Variants in UBE2O observed in about 807,000 individuals in gnomAD.
UBE2O encodes the protein (E3-independent) E2 ubiquitin-conjugating enzyme.
A neutral mutation model predicts 125.8 loss-of-function variants in UBE2O; 15 were observed. That is an observed-to-expected ratio of 0.12 (90% CI 0.08 to 0.18). The LOEUF is 0.18. UBE2O is among the 10% of genes least tolerant of loss of function. The probability of loss-of-function intolerance (pLI) is 1.00; values close to 1 mark genes in which losing one functional copy is unlikely to be tolerated. For synonymous variants in UBE2O, 708 were observed against 703.2 expected, an observed-to-expected ratio of 1.01 and a Z score of -0.11; for missense variants, 1,280 against 1,723.6, an observed-to-expected ratio of 0.74 and a Z score of 4.56.
rs2073257553 is a variant in UBE2O, at chr17:76,452,146, C to T, written c.417+579G>A. ...GGCTCTGATTGCTAATGATTTTACT[C>T]ACAAAGTTCCCTGCAGCAATTAAAA... On this transcript the variant is annotated intron_variant, in intron 1 of 17. Coordinates refer to ENST00000319380, the MANE Select transcript of UBE2O (RefSeq NM_022066.4). This position sits in a 1 kb window ranked among gnomAD's most constrained non-coding sequence, Gnocchi z 4.4. 2.0e-5 allele frequency among the ~76,000 whole-genome samples: 3 copies of T among 152,166 alleles called. No individual in the cohort carries two copies. Among genetic ancestry groups the T allele is most frequent in the Admixed American group, 1.3e-4 (2 of 15,274 alleles).
Position 76,395,896 on chromosome 17 carries a change from G to C in UBE2O, c.2810-35C>G, listed in dbSNP as rs1441386414. On this transcript the variant is annotated intron_variant, in intron 14 of 17. Transcript: ENST00000319380. The surrounding 1 kb of genome is among the most constrained non-coding windows in gnomAD (Gnocchi z 5.0). ...GGAAGAGAATAGTCAGTCCCTCATG[G>C]AGAGGCCCTGGAGCTCCATCTGCCA... 1.1e-5 allele frequency: 17 copies of C among 1,612,730 alleles called. No homozygotes were observed. The South Asian group carries it at 1.1e-4, about 10-fold the overall frequency.
intron 1 of UBE2O, among the ~76,000 whole-genome samples, chr17:76,414,592 A>C (rs2072568592): frequency 6.6e-6 from 1 of 152,214 alleles, no homozygotes; most frequent in South Asian, 2.1e-4. Context: ...AGGCTGGGCA[A>C]TACAGTGCTG....
intron 1 of UBE2O, among the ~76,000 whole-genome samples, chr17:76,415,622 T>C (rs2072587780): frequency 6.6e-6 from 1 of 152,144 alleles, no homozygotes; most frequent in Non-Finnish European, 1.5e-5. Context: ...CTGGCCAACA[T>C]GGTGAAACCT....
At chr17:76,392,860 G>A (rs1357019696) in intron 15 of UBE2O, among the ~76,000 whole-genome samples, 1 of 151,982 alleles carries the variant, frequency 6.6e-6, no homozygotes, top group African/African-American at 2.4e-5. Context: ...GGCTGAGGTG[G>A]GAGAATTGCT....
chr17:76,432,622 T>A (rs1020840101), intron 1 of UBE2O, among the ~76,000 whole-genome samples: 4 of 152,014 alleles, frequency 2.6e-5, no homozygotes, highest in Admixed American at 2.6e-4. Context: ...CCCAACATAA[T>A]GCAAAATGGC....
Position 76,400,079 on chromosome 17 carries a change from C to T in UBE2O, c.1155+68G>A. 6.4e-7 allele frequency: 1 copy of T among 1,570,796 alleles called. No individual in the cohort carries two copies. Among genetic ancestry groups the T allele is most frequent in the Non-Finnish European group, 8.6e-7 (1 of 1,156,292 alleles). On this transcript the variant is annotated intron_variant, in intron 8 of 17. Coordinates refer to ENST00000319380, the MANE Select transcript of UBE2O (RefSeq NM_022066.4). The surrounding 1 kb of genome is among the most constrained non-coding windows in gnomAD (Gnocchi z 4.3). ...AAGGCCTAAAGCACAGACTGTCCTTCTTGGCCATGGAAATGGCTCAAGGCC... is the reference window on the plus strand; with the variant it reads ...AAGGCCTAAAGCACAGACTGTCCTTTTTGGCCATGGAAATGGCTCAAGGCC...
chr17:76,399,340 A>C lies in UBE2O; in HGVS notation c.1628+109T>G. 8.7e-7 allele frequency: 1 copy of C among 1,151,562 alleles called. No homozygotes were observed. Among genetic ancestry groups the C allele is most frequent in the Non-Finnish European group, 1.2e-6 (1 of 801,026 alleles). The allele number at this position is 1,151,562 out of a possible 1,614,324, so 71.3% of individuals were successfully genotyped here. The stretch of plus-strand genomic sequence containing the variant: ...CGGGTGGGAGCCCCGGAGCCACTAC[A>C]AGGCATGCAGAGGTGTGTGTGCGAG... On this transcript the variant is annotated intron_variant, in intron 9 of 17. Coordinates refer to ENST00000319380, the MANE Select transcript of UBE2O (RefSeq NM_022066.4). This position sits in a 1 kb window ranked among gnomAD's most constrained non-coding sequence, Gnocchi z 6.9.
chr17:76,421,221 G>A (rs896879176), intron 1 of UBE2O, among the ~76,000 whole-genome samples: 8 of 152,132 alleles, frequency 5.3e-5, no homozygotes. Flanking sequence ...CCCAACCGTA[G>A]GGAAACACTG....
intron 1 of UBE2O, among the ~76,000 whole-genome samples, chr17:76,442,178 C>G (rs990101635): frequency 6.6e-6 from 1 of 152,176 alleles, no homozygotes; most frequent in Non-Finnish European, 1.5e-5. Flanking sequence ...CCACAATGCA[C>G]GTAGTCTGCC....
chr17:76,427,791 C>T (rs1049537295), intron 1 of UBE2O, among the ~76,000 whole-genome samples: 3 of 152,212 alleles, frequency 2.0e-5, no homozygotes, highest in Admixed American at 2.0e-4. Flanking sequence ...GGGCAATGAT[C>T]AGCTCCCTTG....
rs2073271197 is a variant in UBE2O, at chr17:76,452,599, T to C, written c.417+126A>G. 1 of 882,472 alleles carries C rather than the reference T, an allele frequency of 1.1e-6. No individual in the cohort carries two copies. The highest frequency in any genetic ancestry group is 1.5e-6 in the Non-Finnish European group (1 of 654,280). The allele number at this position is 882,472 out of a possible 1,614,324, so 54.7% of individuals were successfully genotyped here. A position where few individuals can be genotyped will look rare whatever the true frequency, so the allele number is the denominator to read the frequency against. ...CATGGAGTGTACCCTCCACTGGGGC[T>C]GTCCTCCCGCGTCGGCCACTGCAGT... On this transcript the variant is annotated intron_variant, in intron 1 of 17. Coordinates refer to ENST00000319380, the MANE Select transcript of UBE2O (RefSeq NM_022066.4). The surrounding 1 kb of genome is among the most constrained non-coding windows in gnomAD (Gnocchi z 4.4).
At position 76,395,120 on chromosome 17, in the gene UBE2O, C is replaced by T. The variant is rs1352728063; in HGVS notation, c.2946+605G>A. ...CAAACTTCTGACCTCAGGTGATCCACCTGCCTCGGCTTCCCGAAGTGCTGG... is the reference window on the plus strand; with the variant it reads ...CAAACTTCTGACCTCAGGTGATCCATCTGCCTCGGCTTCCCGAAGTGCTGG... On this transcript the variant is annotated intron_variant, in intron 15 of 17. Transcript: ENST00000319380. The surrounding 1 kb of genome is among the most constrained non-coding windows in gnomAD (Gnocchi z 5.0). Among the ~76,000 whole-genome samples the T allele has an allele frequency of 1.3e-5, 2 of 152,130 alleles. No homozygotes were observed. Among genetic ancestry groups the T allele is most frequent in the African/African-American group, 4.8e-5 (2 of 41,404 alleles).
At position 76,398,788 on chromosome 17, in the gene UBE2O, C is replaced by A; in HGVS notation, c.1783+49G>T. On this transcript the variant is annotated intron_variant, in intron 10 of 17. Transcript: ENST00000319380. The surrounding 1 kb of genome is among the most constrained non-coding windows in gnomAD (Gnocchi z 5.4). Reference sequence around the variant, plus strand: ...CATTCTCCACAAGCCCCAACCCGGGCCCTCATTGGCGACCACCCTGCTGGC... The same window carrying A: ...CATTCTCCACAAGCCCCAACCCGGGACCTCATTGGCGACCACCCTGCTGGC... The A allele has an allele frequency of 6.3e-7, 1 of 1,597,510 alleles. No homozygotes were observed. The highest frequency in any genetic ancestry group is 8.5e-7 in the Non-Finnish European group (1 of 1,171,298).
rs114075283 is a variant in UBE2O, at chr17:76,447,113, C to T, written c.417+5612G>A. ...CTCACTTGTAGTACCTCCTATTACA[C>T]TAAGACTTTCAACTGTTTAAAGAAG... On this transcript the variant is annotated intron_variant, in intron 1 of 17. Coordinates refer to ENST00000319380, the MANE Select transcript of UBE2O (RefSeq NM_022066.4). Among the ~76,000 whole-genome samples, 976 of 152,308 alleles carry T rather than the reference C, an allele frequency of 6.4e-3. 7 individuals carry two copies. Among genetic ancestry groups the T allele is most frequent in the African/African-American group, 0.022 (932 of 41,556 alleles).
Position 76,395,876 on chromosome 17 carries a change from A to G in UBE2O, c.2810-15T>C. The G allele has an allele frequency of 6.2e-7, 1 of 1,614,012 alleles. No homozygotes were observed. Among genetic ancestry groups the G allele is most frequent in the East Asian group, 2.2e-5 (1 of 44,884 alleles). ...AGAATGATTTGCTAGAGGGGGGAAG[A>G]GAATAGTCAGTCCCTCATGGAGAGG... On this transcript the variant is annotated splice_polypyrimidine_tract_variant and intron_variant, in intron 14 of 17. Coordinates refer to ENST00000319380, the MANE Select transcript of UBE2O (RefSeq NM_022066.4). This position sits in a 1 kb window ranked among gnomAD's most constrained non-coding sequence, Gnocchi z 5.0.
intron 1 of UBE2O, among the ~76,000 whole-genome samples, chr17:76,419,697 A>T (rs2072675624): frequency 6.6e-6 from 1 of 152,218 alleles, no homozygotes; most frequent in African/African-American, 2.4e-5. Context: ...TCACAGTGGC[A>T]AAGAGCAGAT....
In UBE2O at chr17:76,396,504, G is replaced by C. The variant is rs566055693; in HGVS notation, c.2433C>G (p.Phe811Leu). The change falls in exon 14 of 18, where the codon TTC becomes TTG. Residue 811 changes from phenylalanine (F) to leucine (L), a missense_variant. Coordinates refer to ENST00000319380, the MANE Select transcript of UBE2O (RefSeq NM_022066.4). This position sits in a 1 kb window ranked among gnomAD's most constrained non-coding sequence, Gnocchi z 6.7. ...KAGKDGPPKS[F>L]RELKEAIKIL... ...TCTTGATGGCCTCTTTCAACTCCCGGAAGCTCTTGGGTGGCCCGTCCTTGC... is the reference window on the plus strand; with the variant it reads ...TCTTGATGGCCTCTTTCAACTCCCGCAAGCTCTTGGGTGGCCCGTCCTTGC... 2 of 1,613,838 alleles carry C rather than the reference G, an allele frequency of 1.2e-6. No homozygotes were observed. The highest frequency in any genetic ancestry group is 1.7e-6 in the Non-Finnish European group (2 of 1,179,958).
At chr17:76,392,236 AG>A (rs1355125574) in intron 15 of UBE2O, 123 bp from the exon 16 acceptor site, 8 of 584,846 alleles carry the variant, frequency 1.4e-5, no homozygotes, top group African/African-American at 1.3e-4. Flanking sequence ...CAGGAAGAGC[AG>A]CACCTGGGAC....
Position 76,390,383 on chromosome 17 carries a change from G to T in UBE2O, c.*560C>A, listed in dbSNP as rs369176132. The T allele has an allele frequency of 2.6e-5, 4 of 153,398 alleles. No homozygotes were observed. The Admixed American group carries it at 2.6e-4, about 10-fold the overall frequency. The allele number at this position is 153,398 out of a possible 1,614,324, so 9.5% of individuals were successfully genotyped here. ...CGTGGTCGACAGGCCATGTATAGCCGGGAGTCAGTGACAGCAGCTACAACT... is the reference window on the plus strand; with the variant it reads ...CGTGGTCGACAGGCCATGTATAGCCTGGAGTCAGTGACAGCAGCTACAACT... On this transcript the variant is annotated 3_prime_UTR_variant, in exon 18 of 18. Transcript: ENST00000319380.
Sources: gnomAD v4.1 joint callset for allele counts (sites outside exome capture counted in the v4.1 genomes callset) on GRCh38, gnomAD v4.1.1 for gene constraint, Gnocchi (gnomAD v3.1) non-coding constraint, MANE v1.5 for transcripts, NCBI Gene and HGNC (gene_info 2026-07-23, HGNC 2026-07-21) for gene names.